Variants in TENM1 observed in about 807,000 individuals in gnomAD.
TENM1 encodes teneurin transmembrane protein 1.
In TENM1, 35 loss-of-function variants were observed where a neutral mutation model predicts 174.8. The ratio of observed to expected loss-of-function variants is 0.20; its 90% CI spans 0.15 to 0.27. The LOEUF (loss-of-function observed/expected upper bound fraction) is 0.27. Ranked by LOEUF, TENM1 falls within the 10% of genes least tolerant of loss-of-function variation. TENM1 has a pLI of 1.00. For synonymous variants in TENM1, 781 were observed against 798.7 expected (o/e 0.98, Z 0.37); for missense variants, 1,633 against 2,130.1 (o/e 0.77, Z 4.59).
intron 3 of TENM1, among the ~76,000 whole-genome samples, chrX:124,748,732 C>T (rs759992472): frequency 1.8e-5 from 2 of 112,175 alleles, no homozygotes; most frequent in Non-Finnish European, 3.8e-5. Context: ...GGTTAAGTTA[C>T]AGATATTAGA....
At chrX:124,978,030 T>C in the TENM1 span, among the ~76,000 whole-genome samples, 2 of 102,507 alleles carry the variant, frequency 2.0e-5, no homozygotes, top group African/African-American at 7.0e-5. Context: ...GAGATCTTTT[T>C]CCTCTCTGTT....
At chrX:125,052,741 C>T in the TENM1 span, among the ~76,000 whole-genome samples, 1 of 112,098 alleles carries the variant, frequency 8.9e-6, no homozygotes, top group South Asian at 3.6e-4. Flanking sequence ...TCATACAACC[C>T]CCAGTCTTCT....
rs368404926 is a variant in TENM1 at position 124,832,051 on chromosome X, T to C, written c.535+62245A>G. Among the ~76,000 whole-genome samples the C allele has an allele frequency of 1.4e-3, 154 of 111,867 alleles. 1 individual carries two copies. Among genetic ancestry groups the C allele is most frequent in the African/African-American group, 4.8e-3 (148 of 30,797 alleles). ...AGTTACTAGTATGAATTTTTAACAGTGTTTTGTTTTATCACATCCCAGAGT... is the reference window on the plus strand; with the variant it reads ...AGTTACTAGTATGAATTTTTAACAGCGTTTTGTTTTATCACATCCCAGAGT... On this transcript the variant is annotated intron_variant, in intron 3 of 31. Coordinates refer to ENST00000422452, the Ensembl canonical transcript of TENM1.
chrX:124,805,985 G>A (rs1392480977), intron 3 of TENM1, among the ~76,000 whole-genome samples: 1 of 111,087 alleles, frequency 9.0e-6, no homozygotes, highest in Admixed American at 9.5e-5. Context: ...TAAAAAAACA[G>A]AGATATACAA....
At chrX:124,986,350 A>C in the TENM1 span, among the ~76,000 whole-genome samples, 1 of 111,323 alleles carries the variant, frequency 9.0e-6, no homozygotes, top group South Asian at 3.8e-4. Context: ...CTGTATGCTG[A>C]GGAAGAAGCT....
At chrX:124,951,138 T>C (rs1429514737) in intron 1 of TENM1, among the ~76,000 whole-genome samples, 1 of 111,798 alleles carries the variant, frequency 8.9e-6, no homozygotes, top group Non-Finnish European at 1.9e-5. Context: ...ATCATCTTAT[T>C]AGTACAGTGC....
intron 3 of TENM1, among the ~76,000 whole-genome samples, chrX:124,847,381 C>T (rs1316074033): frequency 1.8e-5 from 2 of 111,695 alleles, no homozygotes; most frequent in African/African-American, 3.2e-5. Flanking sequence ...AAAATACCTT[C>T]GAATCTTTCA....
chrX:124,664,679 G>GGTGT (rs576286188), intron 6 of TENM1, among the ~76,000 whole-genome samples: 1,964 of 86,926 alleles, frequency 0.023, 38 homozygotes, highest in African/African-American at 0.052. Flanking sequence ...GTACTTGTGG[G>GGTGT]GTGTGTGTGT....
intron 1 of TENM1, among the ~76,000 whole-genome samples, chrX:124,912,804 TAA>T (rs1024707223): frequency 1.8e-5 from 2 of 111,673 alleles, no homozygotes; most frequent in African/African-American, 6.5e-5. Flanking sequence ...GCTAAAATTA[TAA>T]AAAGACAACT....
chrX:124,681,717 T>C (rs1004702213), intron 5 of TENM1, among the ~76,000 whole-genome samples: 4 of 111,552 alleles, frequency 3.6e-5, no homozygotes, highest in African/African-American at 1.3e-4. Flanking sequence ...TTGGGTAAGT[T>C]ATTCTCTGCC....
At chrX:124,502,680 G>T (rs2047360311) in intron 19 of TENM1, among the ~76,000 whole-genome samples, 1 of 111,865 alleles carries the variant, frequency 8.9e-6, no homozygotes. Context: ...TAAACTGTTT[G>T]ATATGGAATT....
At chrX:124,839,083 A>T (rs933183150) in intron 3 of TENM1, among the ~76,000 whole-genome samples, 14 of 111,764 alleles carry the variant, frequency 1.3e-4, no homozygotes, top group Middle Eastern at 4.2e-3. Flanking sequence ...TCTGCGGTTT[A>T]TTCATACAAT....
chrX:124,470,305 G>A (rs1014951889), intron 22 of TENM1, among the ~76,000 whole-genome samples: 1 of 111,612 alleles, frequency 9.0e-6, no homozygotes, highest in African/African-American at 3.3e-5. Context: ...AAATGTACCT[G>A]CTTTTATGGA....
intron 1 of TENM1, among the ~76,000 whole-genome samples, chrX:124,963,034 G>C (rs1367935934): frequency 5.4e-5 from 6 of 111,509 alleles, no homozygotes; most frequent in African/African-American, 2.0e-4. Context: ...CCAAAATATG[G>C]CTATTGTAGG....
At chrX:125,017,455 G>T in the TENM1 span, among the ~76,000 whole-genome samples, 46 of 111,932 alleles carry the variant, frequency 4.1e-4, no homozygotes, top group African/African-American at 1.5e-3. Context: ...ATTGTGGAAG[G>T]CAGTATGGAG....
the TENM1 span, among the ~76,000 whole-genome samples, chrX:125,042,698 T>G: frequency 9.0e-6 from 1 of 111,622 alleles, no homozygotes; most frequent in Non-Finnish European, 1.9e-5. Context: ...AGAAAAATAT[T>G]CACATATTAA....
At chrX:124,380,420 T>A in exon 32 of TENM1, 8 of 652,017 alleles carry the variant, frequency 1.2e-5, no homozygotes, top group Non-Finnish European at 1.8e-5. Context: ...CAGTTGGATA[T>A]GTTTTTCCTC....
rs1239761707 is a variant in TENM1, at chrX:124,752,992, A to G, written c.536-15795T>C. 8.1e-5 allele frequency among the ~76,000 whole-genome samples: 9 copies of G among 111,111 alleles called. 1 individual carries two copies. The highest frequency in any genetic ancestry group is 4.8e-4 in the Admixed American group (5 of 10,475). The stretch of plus-strand genomic sequence containing the variant: ...GCGATGCGGGCTCTTTTTTGGTTCC[A>G]TATGAACGTTAGTTTTTTCCAATTG... On this transcript the variant is annotated intron_variant, in intron 3 of 31. Transcript: ENST00000422452.
At chrX:125,011,048 T>G in the TENM1 span, among the ~76,000 whole-genome samples, 1 of 111,069 alleles carries the variant, frequency 9.0e-6, no homozygotes, top group East Asian at 2.9e-4. Context: ...AACCATCTGA[T>G]CTTCTACAAA....
Sources: gnomAD v4.1 joint callset for allele counts (sites outside exome capture counted in the v4.1 genomes callset) on GRCh38, gnomAD v4.1.1 for gene constraint, MANE v1.5 for transcripts, NCBI Gene and HGNC (gene_info 2026-07-23, HGNC 2026-07-21) for gene names.